The following ELP4 variants were observed in gnomAD, a reference collection of about 807,000 sequenced individuals.
The protein encoded by ELP4 is elongator complex protein 4.
A neutral mutation model predicts 48.9 loss-of-function variants in ELP4; 51 were observed. The ratio of observed to expected loss-of-function variants is 1.04; its 90% CI spans 0.83 to 1.32. The LOEUF is 1.32. ELP4 is among the 40% of genes most tolerant of loss of function. The pLI, the probability that ELP4 is intolerant of heterozygous loss-of-function variation, is 0.00. For missense variants in ELP4, 519 were observed against 514.6 expected, an observed-to-expected ratio of 1.01 and a Z score of -0.08; for synonymous variants, 210 against 189.2, an observed-to-expected ratio of 1.11 and a Z score of -0.90.
intron 5 of ELP4, among the ~76,000 whole-genome samples, chr11:31,617,571 T>C: frequency 6.6e-6 from 1 of 151,972 alleles, no homozygotes; most frequent in East Asian, 1.9e-4. Context: ...AAATTTTATG[T>C]TATATGGGTT....
At position 31,671,511 on chromosome 11, in the gene ELP4, A is replaced by G. The variant is rs114495012; in HGVS notation, c.1143+21290A>G. Among the ~76,000 whole-genome samples, 484 of 152,340 alleles carry G rather than the reference A, an allele frequency of 3.2e-3. 4 individuals carry two copies. The highest frequency in any genetic ancestry group is 0.011 in the African/African-American group (468 of 41,588). On this transcript the variant is annotated intron_variant, in intron 9 of 9. Coordinates refer to ENST00000640961, the MANE Select transcript of ELP4 (RefSeq NM_019040.5). ...ATATCAGAGATTTAAGACATTATAG[A>G]TAAATAGCTTACTAAATTGAGACAT...
At chr11:31,690,382 A>G (rs1189268326) in intron 9 of ELP4, among the ~76,000 whole-genome samples, 3 of 152,154 alleles carry the variant, frequency 2.0e-5, no homozygotes, top group African/African-American at 7.2e-5. Context: ...TGCAATCTCA[A>G]ATAAGGTTTG....
At position 31,594,664 on chromosome 11, in the gene ELP4, G is replaced by T. The variant is rs1592145071; in HGVS notation, c.382-106G>T. ...TTGTATTTAAATCAATGTTAGTCAT[G>T]AATTTTCAATACATTGGAAATTTCT... On this transcript the variant is annotated intron_variant, in intron 3 of 9. Transcript: ENST00000640961. The T allele has an allele frequency of 4.5e-6, 3 of 663,986 alleles. No homozygotes were observed. In the East Asian group the frequency reaches 9.7e-5, roughly 22 times the overall value. The allele number at this position is 663,986 out of a possible 1,614,324, so 41.1% of individuals were successfully genotyped here.
chr11:31,622,353 G>A (rs1944641436), intron 5 of ELP4, among the ~76,000 whole-genome samples: 2 of 151,530 alleles, frequency 1.3e-5, no homozygotes, highest in Non-Finnish European at 3.0e-5. Context: ...AAACCCCTCA[G>A]TTGAAGTGAC....
Position 31,632,232 on chromosome 11 carries a change from A to G in ELP4, c.754A>G (p.Ile252Val), listed in dbSNP as rs560664148. ...TTTCTTTTAGAAAAAACAGAGAAAC[A>G]TTTTAAGAATAGGAATTCAGAATCT... is the stretch of plus-strand genomic sequence containing the variant. ...GSNPQKKQRN[I>V]LRIGIQNLGS... is the part of the protein sequence containing the mutation. The change falls in exon 7 of 10, where the codon ATT becomes GTT. Residue 252 changes from isoleucine to valine, a missense_variant. By Grantham distance (29) the Ile-to-Val change is conservative. Coordinates refer to ENST00000640961, the MANE Select transcript of ELP4 (RefSeq NM_019040.5). The G allele has an allele frequency of 1.3e-6, 2 of 1,598,740 alleles. No homozygotes were observed. The highest frequency in any genetic ancestry group is 2.2e-5 in the East Asian group (1 of 44,684).
At chr11:31,526,390 T>A (rs1475792615) in intron 2 of ELP4, among the ~76,000 whole-genome samples, 1 of 152,130 alleles carries the variant, frequency 6.6e-6, no homozygotes, top group African/African-American at 2.4e-5. Flanking sequence ...TAACGTCAAG[T>A]AGGCTTTCAA....
In ELP4 at chr11:31,584,016, T is replaced by C. The variant is rs1256715450; in HGVS notation, c.382-10754T>C. 3.3e-5 allele frequency among the ~76,000 whole-genome samples: 5 copies of C among 152,276 alleles called. No homozygotes were observed. The South Asian group carries it at 1.0e-3, about 32-fold the overall frequency. On this transcript the variant is annotated intron_variant, in intron 3 of 9. Coordinates refer to ENST00000640961, the MANE Select transcript of ELP4 (RefSeq NM_019040.5). ...ACTTCCAGACCAATGGTTTCATAAA[T>C]AATGCTGATATGTTTTTATAACTGA...
intron 9 of ELP4, among the ~76,000 whole-genome samples, chr11:31,682,461 C>A (rs1378396502): frequency 6.6e-6 from 1 of 152,184 alleles, no homozygotes; most frequent in East Asian, 1.9e-4. Flanking sequence ...TCAAATCTCA[C>A]CTGCTCCCTG....
chr11:31,603,649 C>A, intron 4 of ELP4, 119 bp from the exon 5 acceptor site: 1 of 971,976 alleles, frequency 1.0e-6, no homozygotes, highest in Non-Finnish European at 1.5e-6. Flanking sequence ...GTATGTATAT[C>A]CGTTCTTCCT....
At chr11:31,673,961 T>A (rs1355481535) in intron 9 of ELP4, among the ~76,000 whole-genome samples, 2 of 152,226 alleles carry the variant, frequency 1.3e-5, no homozygotes, top group African/African-American at 4.8e-5. Context: ...TCATTCAAAA[T>A]ATTGCCCATG....
chr11:31,722,668 TC>T (rs1407647246), intron 9 of ELP4, among the ~76,000 whole-genome samples: 2 of 10,308 alleles, frequency 1.9e-4, no homozygotes. Context: ...GTGTCTCTTC[TC>T]TCTCTCTCTC....
intron 9 of ELP4, among the ~76,000 whole-genome samples, chr11:31,693,090 A>G (rs1347937263): frequency 6.6e-6 from 1 of 152,266 alleles, no homozygotes; most frequent in Admixed American, 6.6e-5. Flanking sequence ...GAAGCAAGGG[A>G]CGTAGACTCT....
chr11:31,692,533 A>G (rs1179654791), intron 9 of ELP4, among the ~76,000 whole-genome samples: 2 of 152,208 alleles, frequency 1.3e-5, no homozygotes, highest in Admixed American at 6.6e-5. Context: ...TTGCAAGGGC[A>G]CAGTAAAGTC....
intron 9 of ELP4, among the ~76,000 whole-genome samples, chr11:31,766,348 C>T (rs1476506587): frequency 6.6e-6 from 1 of 152,040 alleles, no homozygotes; most frequent in African/African-American, 2.4e-5. Context: ...TACCTGTTAA[C>T]ATGTTTGCCA....
At chr11:31,728,064 T>C (rs940601294) in intron 9 of ELP4, among the ~76,000 whole-genome samples, 43 of 152,162 alleles carry the variant, frequency 2.8e-4, no homozygotes, top group African/African-American at 1.0e-3. Flanking sequence ...AAAAAGCATA[T>C]AAACAAAACT....
chr11:31,550,868 C>T (rs539395923), intron 3 of ELP4, among the ~76,000 whole-genome samples: 1 of 152,230 alleles, frequency 6.6e-6, no homozygotes, highest in East Asian at 1.9e-4. Flanking sequence ...TTGAGCATCC[C>T]AAAAAGCTAT....
intron 9 of ELP4, among the ~76,000 whole-genome samples, chr11:31,700,976 G>A (rs1165561999): frequency 1.3e-5 from 2 of 151,910 alleles, no homozygotes; most frequent in African/African-American, 4.8e-5. Context: ...CTCTTATCCT[G>A]TAAGATTTCC....
rs1434620816 is a variant in ELP4, at chr11:31,789,892, T to TTAAC, written c.*6369_*6372dup. Reference sequence around the variant, plus strand: ...TGTGTCCCCATAGTCACTGACTGAATTAACACAATATTTCCTTTCCTTTTT... The same window carrying TTAAC: ...TGTGTCCCCATAGTCACTGACTGAATTAACTAACACAATATTTCCTTTCCTTTTT... On this transcript the variant is annotated 3_prime_UTR_variant, in exon 10 of 10. Coordinates refer to ENST00000640961, the MANE Select transcript of ELP4 (RefSeq NM_019040.5). The TTAAC allele has an allele frequency of 6.5e-7, 1 of 1,536,370 alleles. No individual in the cohort carries two copies. Among genetic ancestry groups the TTAAC allele is most frequent in the Non-Finnish European group, 8.9e-7 (1 of 1,122,282 alleles).
At chr11:31,638,504 A>G (rs1365050866) in intron 7 of ELP4, among the ~76,000 whole-genome samples, 3 of 151,856 alleles carry the variant, frequency 2.0e-5, no homozygotes, top group African/African-American at 7.2e-5. Context: ...GAAAACTATT[A>G]CCAGCATGTT....
Sources: gnomAD v4.1 joint callset for allele counts (sites outside exome capture counted in the v4.1 genomes callset) on GRCh38, gnomAD v4.1.1 for gene constraint, MANE v1.5 for transcripts, NCBI Gene and HGNC (gene_info 2026-07-23, HGNC 2026-07-21) for gene names.